Variants in ALLC observed in about 807,000 individuals in gnomAD.
ALLC encodes the protein probable inactive allantoicase.
A neutral mutation model predicts 45.0 loss-of-function variants in ALLC; 40 were observed. The ratio of observed to expected loss-of-function variants is 0.89; its 90% CI spans 0.69 to 1.16. The LOEUF is 1.16. Ranked by LOEUF, ALLC falls within the 50% of genes most tolerant of loss-of-function variation. The probability of loss-of-function intolerance (pLI) is 0.00; values close to 1 mark genes in which losing one functional copy is unlikely to be tolerated. For synonymous variants in ALLC, 176 were observed against 178.1 expected, an observed-to-expected ratio of 0.99 and a Z score of 0.09; for missense variants, 488 against 493.1, an observed-to-expected ratio of 0.99 and a Z score of 0.10.
upstream of ALLC, among the ~76,000 whole-genome samples, chr2:3,656,785 C>G (rs1162879168): frequency 6.9e-6 from 1 of 145,128 alleles, no homozygotes; most frequent in Non-Finnish European, 1.5e-5. Context: ...GTGTGGAGGG[C>G]AGAGGTCAGG....
upstream of ALLC, among the ~76,000 whole-genome samples, chr2:3,655,989 C>T (rs563859959): frequency 3.3e-5 from 5 of 152,036 alleles, no homozygotes; most frequent in Non-Finnish European, 5.9e-5. Flanking sequence ...GCAGAGCCAG[C>T]GAGCTCCCAG....
the ALLC span, among the ~76,000 whole-genome samples, chr2:3,646,398 C>T: frequency 6.6e-6 from 1 of 152,208 alleles, no homozygotes; most frequent in Non-Finnish European, 1.5e-5. Context: ...GAACCTGGGA[C>T]TGTAAGTAGG....
At chr2:3,696,148 AC>A in intron 8 of ALLC, 126 bp from the exon 9 acceptor site, 1 of 866,978 alleles carries the variant, frequency 1.2e-6, no homozygotes, top group Non-Finnish European at 1.7e-6. Context: ...TGAAACATTA[AC>A]TTTAATGAAA....
intron 8 of ALLC, 67 bp from the exon 9 acceptor site, chr2:3,696,208 C>A: frequency 7.9e-7 from 1 of 1,269,264 alleles, no homozygotes; most frequent in Non-Finnish European, 1.1e-6. Context: ...AATTTAATTA[C>A]AGCAATGTAT....
intron 1 of ALLC, among the ~76,000 whole-genome samples, chr2:3,661,510 G>T (rs1335530914): frequency 1.3e-5 from 2 of 152,282 alleles, no homozygotes; most frequent in African/African-American, 4.8e-5. Flanking sequence ...GGAGGGAAAA[G>T]AATGAGTATT....
intron 10 of ALLC, among the ~76,000 whole-genome samples, chr2:3,699,140 T>G (rs1441168119): frequency 6.6e-6 from 1 of 152,240 alleles, no homozygotes. Flanking sequence ...GTATCAAGTA[T>G]GGTACCCGAT....
intron 7 of ALLC, among the ~76,000 whole-genome samples, chr2:3,693,762 C>T (rs1667585099): frequency 6.6e-6 from 1 of 152,162 alleles, no homozygotes; most frequent in Non-Finnish European, 1.5e-5. Context: ...CCGAGGTGGG[C>T]AGATCACCTG....
chr2:3,647,038 A>G, the ALLC span, among the ~76,000 whole-genome samples: 1 of 152,030 alleles, frequency 6.6e-6, no homozygotes, highest in Non-Finnish European at 1.5e-5. Flanking sequence ...CCCCGTGAGG[A>G]CGCAGAGCCA....
chr2:3,652,727 C>T, the ALLC span, among the ~76,000 whole-genome samples: 11 of 151,622 alleles, frequency 7.3e-5, no homozygotes, highest in Non-Finnish European at 7.4e-5. Context: ...GGACTATAGG[C>T]GTGTGCCACA....
chr2:3,671,770 T>A (rs1394554401), intron 2 of ALLC, among the ~76,000 whole-genome samples: 2 of 146,858 alleles, frequency 1.4e-5, no homozygotes, highest in East Asian at 4.0e-4. Flanking sequence ...GGAGGTCCTC[T>A]GGCTCTGGTT....
chr2:3,676,937 G>A (rs1338302268), intron 3 of ALLC, among the ~76,000 whole-genome samples: 1 of 151,874 alleles, frequency 6.6e-6, no homozygotes, highest in African/African-American at 2.4e-5. Flanking sequence ...ACAGGCACCC[G>A]CCACCACGCC....
chr2:3,657,226 A>C (rs1488675986), upstream of ALLC, among the ~76,000 whole-genome samples: 2 of 138,322 alleles, frequency 1.4e-5, no homozygotes. Flanking sequence ...GGGCTGAGAG[A>C]CGGGCTGGGG....
At chr2:3,702,318 T>C (rs778422780) in intron 11 of ALLC, 45 bp from the exon 12 acceptor site, 2 of 1,569,262 alleles carry the variant, frequency 1.3e-6, no homozygotes, top group African/African-American at 1.4e-5. Context: ...CGGCCACACA[T>C]GTCCTGTTAA....
rs373415935 is a variant in ALLC, at chr2:3,671,178, C to T, written c.21C>T (p.Ser7=). The change falls in exon 2 of 12, where the codon TCC becomes TCT. Residue 7 remains serine, a synonymous_variant. Coordinates refer to ENST00000252505, the MANE Select transcript of ALLC (RefSeq NM_018436.4). ...AGCTGATGGACATGGCATCTGAATC[C>T]GTAGGAGGAAAAGTAAGTGGGTCTC... is the stretch of plus-strand genomic sequence containing the variant. The part of the protein sequence containing the change: MDMASE[S]VGGKILFATD... The T allele has an allele frequency of 5.4e-5, 87 of 1,611,372 alleles. 1 individual carries two copies. In the African/African-American group the frequency reaches 6.9e-4, roughly 13 times the overall value.
At chr2:3,676,754 G>A (rs936572956) in intron 3 of ALLC, among the ~76,000 whole-genome samples, 1 of 151,934 alleles carries the variant, frequency 6.6e-6, no homozygotes, top group African/African-American at 2.4e-5. Context: ...ACGTGTGTCG[G>A]TTTATCCCTG....
At position 3,702,554 on chromosome 2, in the gene ALLC, A is replaced by T; in HGVS notation, c.1167A>T (p.Ala389=). ...TGAAGTTCTCGGTGAGCTTCAAAGCAAACCCTTAACACACACAAAGCCCCG... is the reference window on the plus strand; with the variant it reads ...TGAAGTTCTCGGTGAGCTTCAAAGCTAACCCTTAACACACACAAAGCCCCG... ...PMLKFSVSFK[A]NP The change falls in exon 12 of 12, where the codon GCA becomes GCT. Residue 389 remains alanine, a synonymous_variant. Coordinates refer to ENST00000252505, the MANE Select transcript of ALLC (RefSeq NM_018436.4). 6.3e-7 allele frequency: 1 copy of T among 1,587,258 alleles called. No homozygotes were observed. Among genetic ancestry groups the T allele is most frequent in the Non-Finnish European group, 8.6e-7 (1 of 1,168,108 alleles).
chr2:3,691,238 A>T (rs796308521), intron 7 of ALLC, among the ~76,000 whole-genome samples: 11 of 150,146 alleles, frequency 7.3e-5, no homozygotes, highest in Admixed American at 2.0e-4. Flanking sequence ...TGCTTTTAGG[A>T]TATTTTTATC....
intron 7 of ALLC, chr2:3,688,830 T>C (rs1332389607): frequency 1.3e-5 from 2 of 158,816 alleles, no homozygotes; most frequent in African/African-American, 4.8e-5. Flanking sequence ...GAACTTGCCA[T>C]GGGTGGAAGC....
upstream of ALLC, among the ~76,000 whole-genome samples, chr2:3,655,482 G>T (rs957208415): frequency 6.6e-6 from 1 of 152,172 alleles, no homozygotes; most frequent in Non-Finnish European, 1.5e-5. Context: ...TTGAGATAGG[G>T]TCTCACTCTA....
Sources: allele counts gnomAD v4.1 joint callset (sites outside exome capture counted in the v4.1 genomes callset), GRCh38; gene constraint gnomAD v4.1.1; transcripts MANE v1.5; gene names NCBI Gene and HGNC (gene_info 2026-07-23, HGNC 2026-07-21).